Variants in SKIL observed in about 807,000 individuals in gnomAD.
The protein encoded by SKIL is ski-like protein.
A neutral mutation model predicts 69.6 loss-of-function variants in SKIL; 20 were observed. The ratio of observed to expected loss-of-function variants is 0.29; its 90% CI spans 0.20 to 0.42. The LOEUF (loss-of-function observed/expected upper bound fraction) is 0.42. Among genes scored for constraint, SKIL ranks in the 10% least tolerant of loss-of-function variants. SKIL has a pLI of 1.00. For missense variants in SKIL, 745 were observed against 783.1 expected, an observed-to-expected ratio of 0.95 and a Z score of 0.58; for synonymous variants, 310 against 279.9, an observed-to-expected ratio of 1.11 and a Z score of -1.08.
intron 2 of SKIL, among the ~76,000 whole-genome samples, chr3:170,370,021 T>C (rs1736722345): frequency 6.6e-6 from 1 of 151,704 alleles, no homozygotes; most frequent in Non-Finnish European, 1.5e-5. Flanking sequence ...GGGCGGATCA[T>C]GAGGTCAGGA....
intron 4 of SKIL, 104 bp downstream of exon 4, chr3:170,384,869 G>A: frequency 1.6e-6 from 1 of 629,240 alleles, no homozygotes; most frequent in South Asian, 2.1e-5. Flanking sequence ...TCAGATAATT[G>A]GAGCTTTTAC....
intron 6 of SKIL, among the ~76,000 whole-genome samples, chr3:170,392,010 A>G (rs1056000051): frequency 2.0e-5 from 3 of 152,224 alleles, no homozygotes; most frequent in Non-Finnish European, 4.4e-5. Flanking sequence ...GATGAGCGGT[A>G]TAGTAAAGTA....
intron 4 of SKIL, among the ~76,000 whole-genome samples, chr3:170,385,574 A>G (rs1018677280): frequency 5.3e-5 from 8 of 152,198 alleles, no homozygotes; most frequent in African/African-American, 1.7e-4. Context: ...CATTTAAAAG[A>G]AAAATAGCTG....
chr3:170,377,926 C>T (rs2108209989), intron 2 of SKIL, among the ~76,000 whole-genome samples: 1 of 151,842 alleles, frequency 6.6e-6, no homozygotes, highest in Admixed American at 6.6e-5. Context: ...CAGAGTCTTG[C>T]TCTGTCACCC....
At position 170,394,232 on chromosome 3, in the gene SKIL, T is replaced by G. The variant is rs1738080245; in HGVS notation, c.*1815T>G. 6.8e-6 allele frequency: 1 copy of G among 146,936 alleles called. No individual in the cohort carries two copies. The allele number at this position is 146,936 out of a possible 1,614,324, so 9.1% of individuals were successfully genotyped here. On this transcript the variant is annotated 3_prime_UTR_variant, in exon 7 of 7. Coordinates refer to ENST00000259119, the MANE Select transcript of SKIL (RefSeq NM_005414.5). ...AGCTCTGCCTCCTGGGTTCAAGCCA[T>G]TCTCCTGCCTCAGCCTCCCGAGTAG...
chr3:170,390,498 A>T, intron 5 of SKIL, 34 bp downstream of exon 5: 1 of 1,574,588 alleles, frequency 6.4e-7, no homozygotes. Context: ...GTCCATTATG[A>T]AAAGATACTT....
At position 170,392,541 on chromosome 3, in the gene SKIL, A is replaced by G; in HGVS notation, c.*124A>G. 1.8e-6 allele frequency: 1 copy of G among 544,444 alleles called. No homozygotes were observed. The highest frequency in any genetic ancestry group is 3.1e-5 in the East Asian group (1 of 32,688). 33.7% of individuals were successfully genotyped at this position (544,444 alleles called of 1,614,324 possible). A position where few individuals can be genotyped will look rare whatever the true frequency, so the allele number is the denominator to read the frequency against. The stretch of plus-strand genomic sequence containing the variant: ...ATAACTAGGCATTCTATCCATTTGT[A>G]GATCAGAGAAAGTGAAGAGATTATA... On this transcript the variant is annotated 3_prime_UTR_variant, in exon 7 of 7. Coordinates refer to ENST00000259119, the MANE Select transcript of SKIL (RefSeq NM_005414.5).
rs141514387 is a variant in SKIL at position 170,366,552 on chromosome 3, C to G, written c.1098+5123C>G. ...AAAGTTAGCAGGGGATGGTGACACA[C>G]GCCTGTAATCCCAGCTACTTGGGAG... On this transcript the variant is annotated intron_variant, in intron 2 of 6. Coordinates refer to ENST00000259119, the MANE Select transcript of SKIL (RefSeq NM_005414.5). Among the ~76,000 whole-genome samples the G allele has an allele frequency of 1.3e-5, 2 of 151,852 alleles. 1 individual carries two copies. The highest frequency in any genetic ancestry group is 2.9e-5 in the Non-Finnish European group (2 of 67,974).
At chr3:170,358,187 G>C (rs906201285) in intron 1 of SKIL, among the ~76,000 whole-genome samples, 1 of 152,202 alleles carries the variant, frequency 6.6e-6, no homozygotes, top group Non-Finnish European at 1.5e-5. Flanking sequence ...AACTGCCCTG[G>C]TGTCCTCTTC....
chr3:170,360,826 CTGTT>C lies in SKIL; in HGVS notation c.498_501del (p.Leu167ProfsTer4). On this transcript the variant is annotated frameshift_variant, in exon 2 of 7. Transcript: ENST00000259119. LOFTEE classifies it high-confidence loss of function. ...TTCAAGTTGGAGGAGAAAAGAGACT[CTGTT>C]TGCCCCAAGTCTTAAATTCTGTTCT... 1 of 1,614,222 alleles carries C rather than the reference CTGTT, an allele frequency of 6.2e-7. No homozygotes were observed. The highest frequency in any genetic ancestry group is 8.5e-7 in the Non-Finnish European group (1 of 1,180,042).
intron 2 of SKIL, among the ~76,000 whole-genome samples, chr3:170,379,895 C>T (rs748820956): frequency 2.4e-4 from 37 of 152,136 alleles, no homozygotes; most frequent in Admixed American, 1.2e-3. Context: ...CCACCCACCT[C>T]GGCCTCCCAC....
At chr3:170,359,595 AAAG>A (rs1485196409) in intron 1 of SKIL, 101 bp from the exon 2 acceptor site, 1 of 68,104 alleles carries the variant, frequency 1.5e-5, no homozygotes, top group Non-Finnish European at 4.3e-5. Flanking sequence ...TCCGTAAAAA[AAAG>A]AAAAAAAAAA....
chr3:170,361,447 A>T lies in SKIL; in HGVS notation c.1098+18A>T. On this transcript the variant is annotated intron_variant, in intron 2 of 6. Transcript: ENST00000259119. ...AATCCAAGGCAAGTTTTTTATATCA[A>T]TTTTTAATAATGGTAATGGTTTACT... is the stretch of plus-strand genomic sequence containing the variant. 3 of 1,507,636 alleles carry T rather than the reference A, an allele frequency of 2.0e-6. No individual in the cohort carries two copies. Among genetic ancestry groups the T allele is most frequent in the Non-Finnish European group, 2.7e-6 (3 of 1,121,690 alleles). The allele number at this position is 1,507,636 out of a possible 1,614,324, so 93.4% of individuals were successfully genotyped here. A position where few individuals can be genotyped will look rare whatever the true frequency, so the allele number is the denominator to read the frequency against.
chr3:170,385,938 A>T (rs1447880445), intron 4 of SKIL, among the ~76,000 whole-genome samples: 1 of 151,652 alleles, frequency 6.6e-6, no homozygotes, highest in Non-Finnish European at 1.5e-5. Flanking sequence ...GATTACAGGC[A>T]TGCACCACCA....
Position 170,366,688 on chromosome 3 carries a change from C to CACAG in SKIL, c.1098+5262_1098+5263insGACA, listed in dbSNP as rs1553852227. ...CTGTCTCAAAACACACACACACACACACACACAGACACACACACACACACA... is the reference window on the plus strand; with the variant it reads ...CTGTCTCAAAACACACACACACACACACAGACACACAGACACACACACACACACA... On this transcript the variant is annotated intron_variant, in intron 2 of 6. Transcript: ENST00000259119. 4.8e-3 allele frequency among the ~76,000 whole-genome samples: 683 copies of CACAG among 140,844 alleles called. 7 individuals are homozygous for CACAG. Among genetic ancestry groups the CACAG allele is most frequent in the African/African-American group, 0.012 (442 of 36,014 alleles). The allele number at this position is 140,844 out of a possible 152,430, so 92.4% of individuals were successfully genotyped here.
chr3:170,375,348 C>G (rs1474396391), intron 2 of SKIL, among the ~76,000 whole-genome samples: 9 of 152,238 alleles, frequency 5.9e-5, no homozygotes, highest in African/African-American at 2.2e-4. Context: ...TTTAGAGACA[C>G]AGAAATAAAT....
At chr3:170,375,955 A>G (rs1270531478) in intron 2 of SKIL, among the ~76,000 whole-genome samples, 1 of 152,056 alleles carries the variant, frequency 6.6e-6, no homozygotes, top group Non-Finnish European at 1.5e-5. Flanking sequence ...TCTTTCAGAT[A>G]TAACACTTAT....
chr3:170,373,274 C>T (rs563997119), intron 2 of SKIL, among the ~76,000 whole-genome samples: 1 of 152,096 alleles, frequency 6.6e-6, no homozygotes, highest in East Asian at 1.9e-4. Context: ...TCAAGCGATT[C>T]TTCTGCCTCA....
intron 4 of SKIL, among the ~76,000 whole-genome samples, chr3:170,388,994 T>A (rs1737781545): frequency 6.6e-6 from 1 of 151,368 alleles, no homozygotes; most frequent in Admixed American, 6.6e-5. Flanking sequence ...CTCAGCCTCC[T>A]GAGTAGCTGG....
Sources: gnomAD v4.1 joint callset for allele counts (sites outside exome capture counted in the v4.1 genomes callset) on GRCh38, gnomAD v4.1.1 for gene constraint, MANE v1.5 for transcripts, NCBI Gene and HGNC (gene_info 2026-07-23, HGNC 2026-07-21) for gene names.